Variants in HSD17B11 observed in about 807,000 individuals in gnomAD.
HSD17B11 encodes estradiol 17-beta-dehydrogenase 11.
HSD17B11 carries 22 observed loss-of-function variants against 27.8 expected under a neutral mutation model. That is an observed-to-expected ratio of 0.79 (90% confidence interval 0.56 to 1.13). HSD17B11 has a LOEUF of 1.13. HSD17B11 is among the 50% of genes most tolerant of loss of function. The pLI is 0.00. For missense variants in HSD17B11, 314 were observed against 351.1 expected (o/e 0.89, Z 0.84); for synonymous variants, 117 against 132.8 (o/e 0.88, Z 0.82).
At chr4:87,337,602 T>C (rs566810767) in intron 6 of HSD17B11, among the ~76,000 whole-genome samples, 1 of 152,312 alleles carries the variant, frequency 6.6e-6, no homozygotes, top group East Asian at 1.9e-4. Context: ...TAGTCAGTTT[T>C]TGAAACAAAA....
chr4:87,356,582 T>C (rs945188192), intron 5 of HSD17B11, among the ~76,000 whole-genome samples: 37 of 152,168 alleles, frequency 2.4e-4, no homozygotes, highest in Non-Finnish European at 8.8e-5. Context: ...TTCCACTCAA[T>C]AGAGGGTTTT....
intron 4 of HSD17B11, among the ~76,000 whole-genome samples, chr4:87,358,899 T>C (rs968237565): frequency 3.9e-5 from 6 of 152,196 alleles, no homozygotes; most frequent in African/African-American, 7.2e-5. Flanking sequence ...GTAATCCGAA[T>C]TGTAATCCCC....
At chr4:87,362,538 T>C (rs1445810978) in intron 4 of HSD17B11, among the ~76,000 whole-genome samples, 1 of 151,986 alleles carries the variant, frequency 6.6e-6, no homozygotes. Context: ...AAATAAAATA[T>C]AATAAAATAA....
chr4:87,365,415 AT>A (rs1459063637), intron 4 of HSD17B11, among the ~76,000 whole-genome samples: 5 of 152,220 alleles, frequency 3.3e-5, no homozygotes, highest in Non-Finnish European at 4.4e-5. Context: ...TTTGGTCTAA[AT>A]TAAGGTCAGA....
chr4:87,356,746 A>G (rs773802405), intron 5 of HSD17B11, among the ~76,000 whole-genome samples: 4 of 152,218 alleles, frequency 2.6e-5, no homozygotes, highest in Non-Finnish European at 4.4e-5. Flanking sequence ...TTATAATTTT[A>G]TTTTTTAACC....
At chr4:87,388,300 A>G (rs556140563) in intron 1 of HSD17B11, among the ~76,000 whole-genome samples, 1 of 152,358 alleles carries the variant, frequency 6.6e-6, no homozygotes, top group South Asian at 2.1e-4. Flanking sequence ...CTAAGTCTGC[A>G]AAATCCAGCA....
chr4:87,367,835 G>A (rs1735637054), intron 4 of HSD17B11, among the ~76,000 whole-genome samples: 1 of 152,136 alleles, frequency 6.6e-6, no homozygotes, highest in Non-Finnish European at 1.5e-5. Context: ...ATATCAGCTT[G>A]GTCTCAACAG....
chr4:87,383,830 A>G (rs996173969), intron 1 of HSD17B11, among the ~76,000 whole-genome samples: 45 of 151,406 alleles, frequency 3.0e-4, no homozygotes, highest in African/African-American at 1.1e-3. Context: ...CAGGCCAAGT[A>G]TTAGGTTGTT....
At chr4:87,361,091 T>C (rs1202439533) in intron 4 of HSD17B11, among the ~76,000 whole-genome samples, 2 of 152,222 alleles carry the variant, frequency 1.3e-5, no homozygotes, top group Non-Finnish European at 2.9e-5. Flanking sequence ...CCTACCGGGC[T>C]GTATTCCCAG....
In HSD17B11 at chr4:87,374,679, G is replaced by A. The variant is rs1735784689; in HGVS notation, c.450+20C>T. 2 of 1,584,382 alleles carry A rather than the reference G, an allele frequency of 1.3e-6. No individual in the cohort carries two copies. On this transcript the variant is annotated intron_variant, in intron 3 of 6. Coordinates refer to ENST00000358290, the MANE Select transcript of HSD17B11 (RefSeq NM_016245.5). ...TGGGATTTTCAAAAGGAACATTTTT[G>A]TAAAAGAAGCCATACTCACCCAGAA...
At chr4:87,373,841 T>C (rs1337713550) in intron 3 of HSD17B11, among the ~76,000 whole-genome samples, 1 of 152,232 alleles carries the variant, frequency 6.6e-6, no homozygotes, top group Non-Finnish European at 1.5e-5. Flanking sequence ...CTTTTGAGAT[T>C]AGTCATCCCA....
chr4:87,363,949 T>C (rs1735570428), intron 4 of HSD17B11, among the ~76,000 whole-genome samples: 1 of 152,230 alleles, frequency 6.6e-6, no homozygotes, highest in Non-Finnish European at 1.5e-5. Flanking sequence ...ATTGGCCGCT[T>C]GGCATGGCTA....
chr4:87,377,004 C>T lies in HSD17B11; in HGVS notation c.319-2174G>A, dbSNP rs1443840184. On this transcript the variant is annotated intron_variant, in intron 2 of 6. Coordinates refer to ENST00000358290, the MANE Select transcript of HSD17B11 (RefSeq NM_016245.5). Reference sequence around the variant, plus strand: ...AATTAGGTGAGTGTGGTGGTGGGTTCCTGTAGTCCCAGCTACTCGGAAGGT... The same window carrying T: ...AATTAGGTGAGTGTGGTGGTGGGTTTCTGTAGTCCCAGCTACTCGGAAGGT... Among the ~76,000 whole-genome samples, 4 of 152,068 alleles carry T rather than the reference C, an allele frequency of 2.6e-5. No homozygotes were observed. In the East Asian group the frequency reaches 7.7e-4, roughly 29 times the overall value.
Position 87,347,108 on chromosome 4 carries a change from T to TAACAGCAAATCAGCAATAAGCATCC in HSD17B11, c.696-6503_696-6502insGGATGCTTATTGCTGATTTGCTGTT, listed in dbSNP as rs1373402504. ...GGTTGTTTTTAGTATTCTGGATTTT[T>TAACAGCAAATCAGCAATAAGCATCC]TTTTTTTCTTTTTTTTTTTTTTTTT... On this transcript the variant is annotated intron_variant, in intron 5 of 6. Coordinates refer to ENST00000358290, the MANE Select transcript of HSD17B11 (RefSeq NM_016245.5). 1.1e-3 allele frequency among the ~76,000 whole-genome samples: 98 copies of TAACAGCAAATCAGCAATAAGCATCC among 89,042 alleles called. 11 individuals are homozygous for TAACAGCAAATCAGCAATAAGCATCC. Among genetic ancestry groups the TAACAGCAAATCAGCAATAAGCATCC allele is most frequent in the African/African-American group, 2.8e-3 (43 of 15,116 alleles). 58.4% of individuals were successfully genotyped at this position (89,042 alleles called of 152,430 possible).
chr4:87,339,440 T>C (rs554519974), intron 6 of HSD17B11, among the ~76,000 whole-genome samples: 2 of 152,350 alleles, frequency 1.3e-5, no homozygotes, highest in South Asian at 4.1e-4. Flanking sequence ...AAAATACAGA[T>C]TTCCGGTCCA....
intron 4 of HSD17B11, among the ~76,000 whole-genome samples, chr4:87,370,857 A>G (rs1214323844): frequency 8.3e-6 from 1 of 120,382 alleles, no homozygotes; most frequent in African/African-American, 3.9e-5. Context: ...GGTTCACGCC[A>G]TTCTCCTGCC....
chr4:87,366,617 A>G (rs1735617220), intron 4 of HSD17B11, among the ~76,000 whole-genome samples: 1 of 152,192 alleles, frequency 6.6e-6, no homozygotes, highest in South Asian at 2.1e-4. Context: ...TATAATTGTT[A>G]TGTAAAATTT....
chr4:87,359,384 G>T (rs1735463110), intron 4 of HSD17B11, among the ~76,000 whole-genome samples: 1 of 152,122 alleles, frequency 6.6e-6, no homozygotes, highest in Admixed American at 6.5e-5. Flanking sequence ...AGTTTTTTGG[G>T]GAGTCTTTAT....
intron 6 of HSD17B11, among the ~76,000 whole-genome samples, chr4:87,338,562 G>A (rs1735097334): frequency 6.6e-6 from 1 of 152,018 alleles, no homozygotes; most frequent in Admixed American, 6.6e-5. Context: ...TTGAGGTAGG[G>A]TCTTGCTCTG....
Sources: allele counts gnomAD v4.1 joint callset (sites outside exome capture counted in the v4.1 genomes callset), GRCh38; gene constraint gnomAD v4.1.1; transcripts MANE v1.5; gene names NCBI Gene and HGNC (gene_info 2026-07-23, HGNC 2026-07-21).